CDH8: variants seen among roughly 807,000 people sequenced by gnomAD.
CDH8 encodes cadherin-8.
CDH8 carries 17 observed loss-of-function variants against 68.1 expected under a neutral mutation model. The observed-to-expected ratio is 0.25, with a 90% confidence interval of 0.17 to 0.37. CDH8 has a LOEUF of 0.37. CDH8 is among the 10% of genes least tolerant of loss of function. CDH8 has a pLI of 1.00. For synonymous variants in CDH8, 372 were observed against 365.1 expected, an observed-to-expected ratio of 1.02 and a Z score of -0.21; for missense variants, 763 against 999.3, an observed-to-expected ratio of 0.76 and a Z score of 3.19.
rs573516241 is a variant in CDH8 at position 61,650,551 on chromosome 16, G to T, written c.*3057C>A. On this transcript the variant is annotated 3_prime_UTR_variant, in exon 12 of 12. Transcript: ENST00000577390. ...TGTGTTATTTAACAAATTGAGCATG[G>T]GATACTTAAATCTTAGAAAATGTTA... 1 of 152,028 alleles carries T rather than the reference G, an allele frequency of 6.6e-6. No individual in the cohort carries two copies. The highest frequency in any genetic ancestry group is 1.9e-4 in the East Asian group (1 of 5,170). 9.4% of individuals were successfully genotyped at this position (152,028 alleles called of 1,614,324 possible). A position where few individuals can be genotyped will look rare whatever the true frequency, so the allele number is the denominator to read the frequency against.
chr16:61,988,077 T>C (rs1355548802), intron 2 of CDH8, among the ~76,000 whole-genome samples: 5 of 152,204 alleles, frequency 3.3e-5, no homozygotes, highest in Non-Finnish European at 7.3e-5. Flanking sequence ...AATGTATCAT[T>C]GTTACAATAC....
intron 7 of CDH8, among the ~76,000 whole-genome samples, chr16:61,812,330 C>A (rs145489512): frequency 2.6e-5 from 4 of 152,152 alleles, no homozygotes; most frequent in Non-Finnish European, 5.9e-5. Context: ...AAATGCAATG[C>A]TTCTGTGTTG....
chr16:61,770,685 C>T (rs558128011), intron 8 of CDH8, among the ~76,000 whole-genome samples: 23 of 152,022 alleles, frequency 1.5e-4, no homozygotes, highest in South Asian at 6.2e-4. Flanking sequence ...GGATTGACTG[C>T]GAAGGGCACC....
intron 3 of CDH8, among the ~76,000 whole-genome samples, chr16:61,864,947 G>C (rs1963225305): frequency 6.6e-6 from 1 of 152,154 alleles, no homozygotes; most frequent in African/African-American, 2.4e-5. Context: ...GGCAGCATGT[G>C]CTTGCCATTT....
chr16:62,009,747 C>G (rs1901761745), intron 2 of CDH8, among the ~76,000 whole-genome samples: 2 of 152,126 alleles, frequency 1.3e-5, no homozygotes, highest in East Asian at 1.9e-4. Context: ...GGTCACCAAG[C>G]CAGTGAGAAT....
At chr16:61,698,127 CATTCACTCA>C (rs1964361734) in intron 10 of CDH8, among the ~76,000 whole-genome samples, 1 of 152,188 alleles carries the variant, frequency 6.6e-6, no homozygotes, top group Admixed American at 6.5e-5. Context: ...ACATGAAATG[CATTCACTCA>C]TTTAACAGTC....
intron 3 of CDH8, among the ~76,000 whole-genome samples, chr16:61,876,212 A>G (rs1963457081): frequency 6.6e-6 from 1 of 152,170 alleles, no homozygotes; most frequent in African/African-American, 2.4e-5. Flanking sequence ...TAAGAAATGT[A>G]GAATGCAATA....
At chr16:61,683,881 T>C (rs1024391013) in intron 10 of CDH8, among the ~76,000 whole-genome samples, 28 of 152,018 alleles carry the variant, frequency 1.8e-4, no homozygotes, top group African/African-American at 5.3e-4. Flanking sequence ...GAAAGGCCAG[T>C]TGAAGACAGA....
At chr16:61,915,321 T>C (rs1217049434) in intron 2 of CDH8, among the ~76,000 whole-genome samples, 6 of 152,214 alleles carry the variant, frequency 3.9e-5, no homozygotes, top group Admixed American at 3.3e-4. Flanking sequence ...CTATCCTAGA[T>C]ATATTATATT....
rs140904124 is a variant in CDH8 at position 61,986,429 on chromosome 16, A to G, written c.252+34723T>C. ...TCTAGGATAATTAATCTCTGATTGT[A>G]TATACCTGGTGATAAGAAACTCCCT... On this transcript the variant is annotated intron_variant, in intron 2 of 11. Transcript: ENST00000577390. 4.5e-3 allele frequency among the ~76,000 whole-genome samples: 680 copies of G among 152,208 alleles called. 4 individuals are homozygous for G. In the Middle Eastern group the frequency reaches 0.065, roughly 14 times the overall value.
At chr16:61,953,098 C>T (rs1193496368) in intron 2 of CDH8, among the ~76,000 whole-genome samples, 1 of 152,144 alleles carries the variant, frequency 6.6e-6, no homozygotes, top group East Asian at 1.9e-4. Flanking sequence ...TCAATCCTTC[C>T]ACCATGTGGG....
chr16:61,847,308 T>C (rs1962827780), intron 4 of CDH8, among the ~76,000 whole-genome samples: 1 of 151,908 alleles, frequency 6.6e-6, no homozygotes, highest in Admixed American at 6.6e-5. Context: ...AAAAACAATA[T>C]TTTTGGCACA....
At chr16:62,032,694 C>A (rs771041439) in intron 1 of CDH8, among the ~76,000 whole-genome samples, 5 of 152,088 alleles carry the variant, frequency 3.3e-5, no homozygotes, top group Non-Finnish European at 5.9e-5. Flanking sequence ...ATTTGCCAGA[C>A]ACAAAAGTTT....
intron 2 of CDH8, among the ~76,000 whole-genome samples, chr16:61,951,942 T>A (rs966273915): frequency 6.6e-6 from 1 of 152,190 alleles, no homozygotes; most frequent in Non-Finnish European, 1.5e-5. Flanking sequence ...TTGCTGGAAT[T>A]CATTCATTGT....
chr16:61,667,519 A>G (rs1390669954), intron 10 of CDH8: 1 of 152,022 alleles, frequency 6.6e-6, no homozygotes, highest in Non-Finnish European at 1.5e-5. Context: ...GAAAATGGAC[A>G]GAGAGTGGGC....
At position 61,766,181 on chromosome 16, in the gene CDH8, C is replaced by T. The variant is rs183791026; in HGVS notation, c.1414+23165G>A. Among the ~76,000 whole-genome samples the T allele has an allele frequency of 3.4e-4, 51 of 151,480 alleles. No individual in the cohort carries two copies. The East Asian group carries it at 9.0e-3, about 27-fold the overall frequency. On this transcript the variant is annotated intron_variant, in intron 8 of 11. Transcript: ENST00000577390. Reference sequence around the variant, plus strand: ...TCTGAGTTTCCAATGTGTATTATACCAGTCTAAATACCTTTGCATGCCCAT... The same window carrying T: ...TCTGAGTTTCCAATGTGTATTATACTAGTCTAAATACCTTTGCATGCCCAT...
At chr16:61,819,077 G>A (rs1200484666) in intron 6 of CDH8, among the ~76,000 whole-genome samples, 1 of 151,426 alleles carries the variant, frequency 6.6e-6, no homozygotes, top group African/African-American at 2.4e-5. Context: ...CACCTTTACT[G>A]TAACAATTTT....
intron 7 of CDH8, among the ~76,000 whole-genome samples, chr16:61,789,870 A>G (rs1961338117): frequency 6.6e-6 from 1 of 152,076 alleles, no homozygotes; most frequent in Non-Finnish European, 1.5e-5. Flanking sequence ...GGCACTAGGC[A>G]GCATGTTACG....
At chr16:61,980,045 G>A (rs1387061764) in intron 2 of CDH8, among the ~76,000 whole-genome samples, 1 of 152,176 alleles carries the variant, frequency 6.6e-6, no homozygotes, top group Non-Finnish European at 1.5e-5. Context: ...AGGAGTGGAA[G>A]GAAGAGCCCA....
Sources: gnomAD v4.1 joint callset for allele counts (sites outside exome capture counted in the v4.1 genomes callset) on GRCh38, gnomAD v4.1.1 for gene constraint, MANE v1.5 for transcripts, NCBI Gene and HGNC (gene_info 2026-07-23, HGNC 2026-07-21) for gene names.